The following PTPRD variants were observed in gnomAD, a reference collection of about 807,000 sequenced individuals.
PTPRD encodes receptor-type tyrosine-protein phosphatase delta.
PTPRD carries 34 observed loss-of-function variants against 214.5 expected under a neutral mutation model. The ratio of observed to expected loss-of-function variants is 0.16; its 90% confidence interval spans 0.12 to 0.21. PTPRD has a LOEUF of 0.21. Ranked by LOEUF, PTPRD falls within the 10% of genes least tolerant of loss-of-function variation. The pLI is 1.00. For synonymous variants in PTPRD, 1,128 were observed against 845.7 expected, an observed-to-expected ratio of 1.33 and a Z score of -5.79; for missense variants, 2,545 against 2,398.7, an observed-to-expected ratio of 1.06 and a Z score of -1.27.
chr9:10,211,051 T>C (rs2099514843), intron 3 of PTPRD, among the ~76,000 whole-genome samples: 1 of 151,724 alleles, frequency 6.6e-6, no homozygotes, highest in African/African-American at 2.4e-5. Context: ...GATTTTTAAA[T>C]TACTGTATGA....
At chr9:9,817,042 C>T (rs996762244) in intron 5 of PTPRD, among the ~76,000 whole-genome samples, 3 of 151,970 alleles carry the variant, frequency 2.0e-5, no homozygotes, top group Non-Finnish European at 4.4e-5. Context: ...AAGTAAATTA[C>T]CAGCTGTCAA....
At chr9:9,778,280 A>C (rs1477057879) in intron 5 of PTPRD, among the ~76,000 whole-genome samples, 3 of 152,174 alleles carry the variant, frequency 2.0e-5, no homozygotes, top group African/African-American at 4.8e-5. Context: ...GCAGGAACTA[A>C]GGGATAACTC....
rs145207710 is a variant in PTPRD, at chr9:8,982,655, G to C, written c.-104+36042C>G. Among the ~76,000 whole-genome samples the C allele has an allele frequency of 5.5e-3, 829 of 151,654 alleles. 7 individuals carry two copies. The highest frequency in any genetic ancestry group is 0.017 in the African/African-American group (717 of 41,402). ...TGTTTTTATAACTTCTGGGATAAAGGGTTTCTAAAATACTTCTATCTCACC... is the reference window on the plus strand; with the variant it reads ...TGTTTTTATAACTTCTGGGATAAAGCGTTTCTAAAATACTTCTATCTCACC... On this transcript the variant is annotated intron_variant, in intron 11 of 45. Coordinates refer to ENST00000381196, the MANE Select transcript of PTPRD (RefSeq NM_002839.4).
chr9:8,798,533 A>T (rs556626706), intron 11 of PTPRD, among the ~76,000 whole-genome samples: 1 of 152,334 alleles, frequency 6.6e-6, no homozygotes, highest in South Asian at 2.1e-4. Flanking sequence ...AATCATTCTG[A>T]ACCATCTTTA....
chr9:8,984,031 C>T (rs1319660624), intron 11 of PTPRD, among the ~76,000 whole-genome samples: 5 of 151,992 alleles, frequency 3.3e-5, no homozygotes, highest in Non-Finnish European at 7.4e-5. Flanking sequence ...AATTTCTATA[C>T]TATAACGTAT....
At chr9:9,402,086 G>T (rs377449477) in intron 8 of PTPRD, among the ~76,000 whole-genome samples, 1 of 152,022 alleles carries the variant, frequency 6.6e-6, no homozygotes, top group African/African-American at 2.4e-5. Flanking sequence ...ACGAAAGTTG[G>T]TTCATTTTTG....
At chr9:8,862,185 G>C (rs559197494) in intron 11 of PTPRD, 1 of 152,060 alleles carries the variant, frequency 6.6e-6, no homozygotes, top group South Asian at 2.1e-4. Flanking sequence ...GGTGAAACCC[G>C]TCTCTACTAA....
chr9:10,145,126 G>A (rs1257028108), intron 3 of PTPRD, among the ~76,000 whole-genome samples: 1 of 151,956 alleles, frequency 6.6e-6, no homozygotes, highest in Non-Finnish European at 1.5e-5. Context: ...AATATTAGAA[G>A]GTTTAGATTA....
chr9:10,333,845 C>T (rs1433378468), intron 3 of PTPRD, among the ~76,000 whole-genome samples: 4 of 151,784 alleles, frequency 2.6e-5, no homozygotes, highest in African/African-American at 9.7e-5. Context: ...CATCTATGCA[C>T]TTGACTGAGA....
intron 11 of PTPRD, among the ~76,000 whole-genome samples, chr9:8,816,666 G>A (rs544761067): frequency 3.3e-5 from 5 of 152,232 alleles, no homozygotes; most frequent in South Asian, 2.1e-4. Flanking sequence ...TTGTTACCCT[G>A]TTAGAGATGG....
chr9:9,335,751 T>A (rs909248284), intron 9 of PTPRD, among the ~76,000 whole-genome samples: 6 of 152,024 alleles, frequency 3.9e-5, no homozygotes, highest in Admixed American at 3.3e-4. Flanking sequence ...TGGAGAAAAA[T>A]TCATTCAATC....
chr9:8,673,838 A>T (rs184104629), intron 12 of PTPRD, among the ~76,000 whole-genome samples: 12 of 152,150 alleles, frequency 7.9e-5, no homozygotes, highest in African/African-American at 2.7e-4. Context: ...ATGATTTGTT[A>T]TAAGTGCTAT....
chr9:10,156,208 C>A (rs2154282526), intron 3 of PTPRD, among the ~76,000 whole-genome samples: 1 of 151,400 alleles, frequency 6.6e-6, no homozygotes, highest in Non-Finnish European at 1.5e-5. Flanking sequence ...GGTTCTCTAG[C>A]TCTTTTAGTT....
intron 5 of PTPRD, among the ~76,000 whole-genome samples, chr9:9,795,781 C>T (rs2098998416): frequency 6.6e-6 from 1 of 152,108 alleles, no homozygotes; most frequent in Non-Finnish European, 1.5e-5. Context: ...TGTATCAGAT[C>T]ATGTCTTACC....
chr9:9,786,195 A>T (rs1352584026), intron 5 of PTPRD, among the ~76,000 whole-genome samples: 1 of 152,200 alleles, frequency 6.6e-6, no homozygotes, highest in African/African-American at 2.4e-5. Context: ...ATTATTTGCC[A>T]TGCACTGAAG....
chr9:8,873,834 T>C (rs1337194309), intron 11 of PTPRD, among the ~76,000 whole-genome samples: 1 of 151,982 alleles, frequency 6.6e-6, no homozygotes, highest in Non-Finnish European at 1.5e-5. Flanking sequence ...CACCAAATAG[T>C]CTCCTGGAGG....
intron 3 of PTPRD, among the ~76,000 whole-genome samples, chr9:10,236,721 T>C (rs752222198): frequency 2.6e-5 from 4 of 151,956 alleles, no homozygotes; most frequent in Non-Finnish European, 5.9e-5. Flanking sequence ...ATGACATCTC[T>C]CAAACTTATT....
chr9:9,810,306 T>C (rs1289778530), intron 5 of PTPRD, among the ~76,000 whole-genome samples: 2 of 152,040 alleles, frequency 1.3e-5, no homozygotes, highest in Non-Finnish European at 2.9e-5. Context: ...GTAGACAAAA[T>C]AGCCTTCTAT....
At chr9:10,449,095 G>C (rs1566106511) in intron 2 of PTPRD, among the ~76,000 whole-genome samples, 1 of 149,824 alleles carries the variant, frequency 6.7e-6, no homozygotes, top group Non-Finnish European at 1.5e-5. Context: ...GCCCAGCCGA[G>C]GCTGGACTGT....
Sources: allele counts gnomAD v4.1 joint callset (sites outside exome capture counted in the v4.1 genomes callset), GRCh38; gene constraint gnomAD v4.1.1; transcripts MANE v1.5; gene names NCBI Gene and HGNC (gene_info 2026-07-23, HGNC 2026-07-21).